SLC35D4: variants seen among roughly 807,000 people sequenced by gnomAD.
The protein encoded by SLC35D4 is UDP-N-acetylglucosamine transporter SLC35D4.
chr18:23,403,633 GT>G, the SLC35D4 span, among the ~76,000 whole-genome samples: 1 of 152,210 alleles, frequency 6.6e-6, no homozygotes, highest in Non-Finnish European at 1.5e-5. Context: ...CGGAGAACAC[GT>G]TGGAACAGGG....
chr18:23,304,373 A>C, the SLC35D4 span, among the ~76,000 whole-genome samples: 1 of 147,650 alleles, frequency 6.8e-6, no homozygotes, highest in East Asian at 1.9e-4. Context: ...ATATATATAT[A>C]TATTTATATA....
At chr18:23,311,628 T>C in the SLC35D4 span, among the ~76,000 whole-genome samples, 1 of 152,220 alleles carries the variant, frequency 6.6e-6, no homozygotes. Context: ...CTAGATCTCC[T>C]AGCTGGGGGT....
At chr18:23,298,430 T>C in the SLC35D4 span, among the ~76,000 whole-genome samples, 2 of 152,150 alleles carry the variant, frequency 1.3e-5, no homozygotes, top group Non-Finnish European at 2.9e-5. Flanking sequence ...TGTTGGCAAA[T>C]TGGGCTGATG....
the SLC35D4 span, among the ~76,000 whole-genome samples, chr18:23,331,742 C>A: frequency 6.6e-6 from 1 of 152,250 alleles, no homozygotes; most frequent in East Asian, 1.9e-4. Flanking sequence ...TCCATTCACT[C>A]ATCCCGAATC....
the SLC35D4 span, among the ~76,000 whole-genome samples, chr18:23,253,533 G>C: frequency 6.6e-6 from 1 of 152,164 alleles, no homozygotes; most frequent in Admixed American, 6.5e-5. Flanking sequence ...GACCAACAGA[G>C]AAGAGGCCAA....
chr18:23,281,552 C>A, the SLC35D4 span, among the ~76,000 whole-genome samples: 2 of 152,110 alleles, frequency 1.3e-5, no homozygotes, highest in Non-Finnish European at 2.9e-5. Flanking sequence ...GCCTTGAACT[C>A]CTGAGCTCAA....
At chr18:23,274,166 T>C in the SLC35D4 span, among the ~76,000 whole-genome samples, 2 of 152,172 alleles carry the variant, frequency 1.3e-5, no homozygotes, top group African/African-American at 2.4e-5. Context: ...AAACTCCTCG[T>C]CTCAAGCAAC....
At chr18:23,399,441 T>G in the SLC35D4 span, 2 of 844,162 alleles carry the variant, frequency 2.4e-6, no homozygotes, top group African/African-American at 1.7e-5. Context: ...CAAAAGGGAG[T>G]AATAGGTCCC....
the SLC35D4 span, among the ~76,000 whole-genome samples, chr18:23,418,661 T>C: frequency 4.6e-5 from 7 of 151,610 alleles, no homozygotes; most frequent in African/African-American, 1.7e-4. Flanking sequence ...GTATTAATAT[T>C]ATGCTGAATA....
At chr18:23,258,001 G>A in the SLC35D4 span, 1 of 152,226 alleles carries the variant, frequency 6.6e-6, no homozygotes, top group Non-Finnish European at 1.5e-5. Context: ...ATTTCTAGAT[G>A]ATTTCTGGAT....
chr18:23,286,869 C>T, the SLC35D4 span, among the ~76,000 whole-genome samples: 3 of 152,110 alleles, frequency 2.0e-5, no homozygotes, highest in Non-Finnish European at 4.4e-5. Flanking sequence ...TGGATTACAG[C>T]TGCATCTCAT....
the SLC35D4 span, chr18:23,437,870 TC>T: frequency 6.2e-7 from 1 of 1,608,212 alleles, no homozygotes; most frequent in Non-Finnish European, 8.5e-7. Context: ...CTCGTCCCCT[TC>T]TCGGGGATCC....
the SLC35D4 span, among the ~76,000 whole-genome samples, chr18:23,246,234 C>A: frequency 1.3e-5 from 2 of 150,572 alleles, no homozygotes; most frequent in Non-Finnish European, 3.0e-5. Context: ...ACTGCACACT[C>A]CAGCCTAGGT....
At chr18:23,346,386 C>T in the SLC35D4 span, among the ~76,000 whole-genome samples, 18 of 152,264 alleles carry the variant, frequency 1.2e-4, no homozygotes, top group African/African-American at 4.1e-4. Context: ...TCCGAAAGTG[C>T]GAGGATTATA....
the SLC35D4 span, among the ~76,000 whole-genome samples, chr18:23,363,531 C>T: frequency 6.1e-4 from 93 of 151,642 alleles, no homozygotes; most frequent in Admixed American, 4.3e-3. Flanking sequence ...CCCGCCACCA[C>T]GCCCGGCTAA....
the SLC35D4 span, among the ~76,000 whole-genome samples, chr18:23,408,172 CACACACA>C: frequency 2.0e-5 from 3 of 151,924 alleles, no homozygotes; most frequent in East Asian, 1.9e-4. Context: ...CACACACACA[CACACACA>C]CCCCTAACCT....
chr18:23,381,945 A>G, the SLC35D4 span, among the ~76,000 whole-genome samples: 1 of 152,292 alleles, frequency 6.6e-6, no homozygotes, highest in South Asian at 2.1e-4. Context: ...CTAAATTCAT[A>G]AGAAAGTATC....
At chr18:23,358,792 C>T in the SLC35D4 span, among the ~76,000 whole-genome samples, 2 of 152,188 alleles carry the variant, frequency 1.3e-5, no homozygotes, top group Non-Finnish European at 2.9e-5. Flanking sequence ...AGCTAATGTT[C>T]TAGTTTCCAG....
the SLC35D4 span, among the ~76,000 whole-genome samples, chr18:23,286,482 TCTGA>T: frequency 1.3e-5 from 2 of 152,140 alleles, no homozygotes; most frequent in African/African-American, 4.8e-5. Flanking sequence ...CCCAAGGCTC[TCTGA>T]CTGACTCCTT....
Sources: gnomAD v4.1 joint callset for allele counts (sites outside exome capture counted in the v4.1 genomes callset) on GRCh38, gnomAD v4.1.1 for gene constraint, MANE v1.5 for transcripts, NCBI Gene and HGNC (gene_info 2026-07-23, HGNC 2026-07-21) for gene names.